Variants in PKN2 observed in about 807,000 individuals in gnomAD.
The protein encoded by PKN2 is protein kinase N2.
Under a neutral mutation model 119.1 loss-of-function variants are expected in PKN2, and 38 were observed. That is an observed-to-expected ratio of 0.32 (90% CI 0.25 to 0.42). PKN2 has a LOEUF of 0.42. Ranked by LOEUF, PKN2 falls within the 10% of genes least tolerant of loss-of-function variation. PKN2 has a pLI of 1.00. For missense variants in PKN2, 850 were observed against 1,165.1 expected, an observed-to-expected ratio of 0.73 and a Z score of 3.94; for synonymous variants, 390 against 384.9, an observed-to-expected ratio of 1.01 and a Z score of -0.15.
At chr1:88,700,817 G>T (rs1046335568) in intron 1 of PKN2, among the ~76,000 whole-genome samples, 1 of 152,182 alleles carries the variant, frequency 6.6e-6, no homozygotes, top group African/African-American at 2.4e-5. Context: ...ATTCACTTCT[G>T]TCTGACAGTG....
intron 16 of PKN2, among the ~76,000 whole-genome samples, chr1:88,820,474 G>A (rs908464356): frequency 4.0e-5 from 6 of 150,068 alleles, no homozygotes; most frequent in African/African-American, 7.3e-5. Flanking sequence ...TGGGGGTTGC[G>A]GTGAGCTGAG....
intron 2 of PKN2, among the ~76,000 whole-genome samples, chr1:88,745,177 G>A (rs898562936): frequency 2.0e-5 from 3 of 152,160 alleles, no homozygotes; most frequent in African/African-American, 7.2e-5. Flanking sequence ...GTGAAAAGCC[G>A]AAAGCTTTTC....
intron 6 of PKN2, among the ~76,000 whole-genome samples, chr1:88,784,039 T>TGA (rs1553155107): frequency 6.6e-6 from 1 of 152,072 alleles, no homozygotes; most frequent in Non-Finnish European, 1.5e-5. Flanking sequence ...TATTTAGCTT[T>TGA]ATGTTTCTCC....
chr1:88,700,384 T>C (rs1329170752), intron 1 of PKN2, among the ~76,000 whole-genome samples: 1 of 152,194 alleles, frequency 6.6e-6, no homozygotes, highest in Non-Finnish European at 1.5e-5. Flanking sequence ...CTAAGAATAT[T>C]ATTCTAACTT....
At chr1:88,825,167 A>G (rs1308880934) in intron 18 of PKN2, among the ~76,000 whole-genome samples, 2 of 152,214 alleles carry the variant, frequency 1.3e-5, no homozygotes, top group Admixed American at 1.3e-4. Flanking sequence ...AACTCTGTAG[A>G]TATATGCCCA....
At chr1:88,738,070 C>G (rs922377357) in intron 1 of PKN2, among the ~76,000 whole-genome samples, 1 of 152,024 alleles carries the variant, frequency 6.6e-6, no homozygotes, top group African/African-American at 2.4e-5. Context: ...TCCAAATTCT[C>G]TTTATCAGAT....
chr1:88,820,940 A>C (rs996857823), intron 16 of PKN2, among the ~76,000 whole-genome samples: 1 of 152,220 alleles, frequency 6.6e-6, no homozygotes, highest in Non-Finnish European at 1.5e-5. Context: ...TTTAGGATAA[A>C]AATTGAAAAA....
In PKN2 at chr1:88,813,677, C is replaced by T. The variant is rs755249790; in HGVS notation, c.2223C>T (p.Ala741=). The part of the protein sequence containing the change: ...EHVCFVMEYA[A]GGDLMMHIHT... Reference sequence around the variant, plus strand: ...TTTGCTTTGTAATGGAATATGCTGCCGGTGGGGACCTAATGATGCACATTC... The same window carrying T: ...TTTGCTTTGTAATGGAATATGCTGCTGGTGGGGACCTAATGATGCACATTC... The change falls in exon 16 of 22, where the codon GCC becomes GCT. Residue 741 remains alanine (A), a synonymous_variant. Transcript: ENST00000370521. 34 of 1,607,404 alleles carry T rather than the reference C, an allele frequency of 2.1e-5. No homozygotes were observed. In the East Asian group the frequency reaches 4.5e-4, roughly 21 times the overall value.
intron 2 of PKN2, among the ~76,000 whole-genome samples, chr1:88,743,275 G>T (rs1342229909): frequency 6.6e-6 from 1 of 152,166 alleles, no homozygotes; most frequent in Non-Finnish European, 1.5e-5. Flanking sequence ...TTTAACAATT[G>T]TGTGTGTGCA....
At position 88,779,412 on chromosome 1, in the gene PKN2, A is replaced by G. The variant is rs560932433; in HGVS notation, c.986-5227A>G. ...TTTTTTTTTTTAGGATTCATTACAT[A>G]TATCTTTTTAAAAAACAATTTCACA... is the stretch of plus-strand genomic sequence containing the variant. On this transcript the variant is annotated intron_variant, in intron 6 of 21. Transcript: ENST00000370521. Among the ~76,000 whole-genome samples the G allele has an allele frequency of 5.8e-4, 88 of 150,458 alleles. 2 individuals carry two copies. The highest frequency in any genetic ancestry group is 7.9e-4 in the Admixed American group (12 of 15,104).
intron 6 of PKN2, chr1:88,781,025 AC>A (rs2100821483): frequency 1.1e-6 from 1 of 941,938 alleles, no homozygotes; most frequent in South Asian, 2.4e-5. Context: ...GAAGTATCTT[AC>A]AATTCTTAAG....
chr1:88,820,544 TAAATA>T lies in PKN2; in HGVS notation c.2280-1389_2280-1385del, dbSNP rs572722279. Among the ~76,000 whole-genome samples the T allele has an allele frequency of 1.5e-3, 222 of 145,606 alleles. 1 individual carries two copies. Among genetic ancestry groups the T allele is most frequent in the African/African-American group, 5.4e-3 (208 of 38,758 alleles). On this transcript the variant is annotated intron_variant, in intron 16 of 21. Transcript: ENST00000370521. ...GCAAAACTCCATCTCAAAAAAAAAA[TAAATA>T]AAATAAATAAATAAAAATTATTGAC... is the stretch of plus-strand genomic sequence containing the variant.
intron 18 of PKN2, 60 bp downstream of exon 18, chr1:88,824,446 G>C: frequency 1.0e-6 from 1 of 965,030 alleles, no homozygotes; most frequent in Non-Finnish European, 1.7e-6. Context: ...TTGTGCATCA[G>C]TAGTTTTCAA....
intron 1 of PKN2, among the ~76,000 whole-genome samples, chr1:88,699,323 T>A (rs1378235518): frequency 2.0e-5 from 3 of 152,218 alleles, no homozygotes; most frequent in Non-Finnish European, 4.4e-5. Flanking sequence ...CACTGCCTTT[T>A]TGCAAATGTA....
At chr1:88,755,775 C>T (rs1669173207) in intron 2 of PKN2, among the ~76,000 whole-genome samples, 1 of 152,130 alleles carries the variant, frequency 6.6e-6, no homozygotes, top group South Asian at 2.1e-4. Context: ...GGCATTCTGA[C>T]CTCAGAGCCC....
intron 4 of PKN2, 24 bp from the exon 5 acceptor site, chr1:88,771,397 T>A (rs1438620663): frequency 1.3e-6 from 2 of 1,564,464 alleles, no homozygotes; most frequent in Non-Finnish European, 1.7e-6. Flanking sequence ...AATGGTGCAA[T>A]TAAAATTTTT....
chr1:88,788,400 G>T (rs1001821218), intron 8 of PKN2, among the ~76,000 whole-genome samples: 1 of 151,838 alleles, frequency 6.6e-6, no homozygotes, highest in Admixed American at 6.6e-5. Flanking sequence ...AGGAAATTAT[G>T]GCCCTCAGGC....
chr1:88,686,476 C>T (rs1333154954), intron 1 of PKN2, among the ~76,000 whole-genome samples: 2 of 151,878 alleles, frequency 1.3e-5, no homozygotes, highest in African/African-American at 4.8e-5. Context: ...AATATGATGA[C>T]CTAGAAATAC....
intron 1 of PKN2, among the ~76,000 whole-genome samples, chr1:88,739,046 AAATACAAC>A (rs1668469478): frequency 6.6e-6 from 1 of 152,212 alleles, no homozygotes; most frequent in Non-Finnish European, 1.5e-5. Flanking sequence ...GACAGATCAG[AAATACAAC>A]TTCTAACAGG....
Sources: gnomAD v4.1 joint callset for allele counts (sites outside exome capture counted in the v4.1 genomes callset) on GRCh38, gnomAD v4.1.1 for gene constraint, MANE v1.5 for transcripts, NCBI Gene and HGNC (gene_info 2026-07-23, HGNC 2026-07-21) for gene names.